The following L3MBTL4 variants were observed in gnomAD, a reference collection of about 807,000 sequenced individuals.
L3MBTL4 encodes lethal(3)malignant brain tumor-like protein 4.
In L3MBTL4, 70 loss-of-function variants were observed where a neutral mutation model predicts 84.5. That is an observed-to-expected ratio of 0.83 (90% CI 0.68 to 1.01). The LOEUF (loss-of-function observed/expected upper bound fraction) is 1.01. L3MBTL4 is among the 50% of genes least tolerant of loss of function. L3MBTL4 has a pLI of 0.00. For synonymous variants in L3MBTL4, 274 were observed against 259.8 expected (o/e 1.05, Z -0.52); for missense variants, 715 against 754.8 (o/e 0.95, Z 0.62).
At chr18:6,104,978 G>T (rs924467971) in intron 14 of L3MBTL4, among the ~76,000 whole-genome samples, 2 of 151,914 alleles carry the variant, frequency 1.3e-5, no homozygotes, top group African/African-American at 4.8e-5. Flanking sequence ...ATCTTAAAGG[G>T]AGCTCTTTAA....
chr18:5,988,179 T>G (rs2145106589), intron 16 of L3MBTL4, among the ~76,000 whole-genome samples: 1 of 152,318 alleles, frequency 6.6e-6, no homozygotes, highest in East Asian at 1.9e-4. Context: ...AAGGAGGTGG[T>G]TTTCCATTTA....
chr18:6,138,979 C>G (rs1028223422), intron 13 of L3MBTL4, among the ~76,000 whole-genome samples: 1 of 152,156 alleles, frequency 6.6e-6, no homozygotes, highest in African/African-American at 2.4e-5. Flanking sequence ...TCAACCACAG[C>G]AAGGATCTTA....
intron 13 of L3MBTL4, among the ~76,000 whole-genome samples, chr18:6,165,989 T>C (rs1360709784): frequency 6.6e-6 from 1 of 152,016 alleles, no homozygotes; most frequent in Admixed American, 6.6e-5. Context: ...GAGGAAGATC[T>C]ACCAAGCAAA....
intron 16 of L3MBTL4, among the ~76,000 whole-genome samples, chr18:6,050,140 TA>T (rs58411975): frequency 2.0e-5 from 3 of 152,118 alleles, no homozygotes; most frequent in Non-Finnish European, 4.4e-5. Context: ...AAACTTTTTT[TA>T]AAAAAATTAT....
intron 4 of L3MBTL4, among the ~76,000 whole-genome samples, chr18:6,296,250 G>GATA (rs1290811247): frequency 6.6e-6 from 1 of 152,134 alleles, no homozygotes; most frequent in African/African-American, 2.4e-5. Flanking sequence ...ACTACTCCCT[G>GATA]ATAATAAGTT....
At chr18:6,248,778 C>G (rs188436502) in intron 5 of L3MBTL4, among the ~76,000 whole-genome samples, 1 of 152,186 alleles carries the variant, frequency 6.6e-6, no homozygotes, top group African/African-American at 2.4e-5. Context: ...TACACGTACT[C>G]TTTTTCACAG....
intron 4 of L3MBTL4, among the ~76,000 whole-genome samples, chr18:6,289,590 A>G (rs541992474): frequency 1.3e-5 from 2 of 152,298 alleles, no homozygotes; most frequent in South Asian, 2.1e-4. Context: ...CTCAGAGGTT[A>G]ATCTTTGCTG....
intron 10 of L3MBTL4, among the ~76,000 whole-genome samples, chr18:6,223,887 G>A (rs989858236): frequency 3.9e-5 from 6 of 152,146 alleles, no homozygotes; most frequent in Non-Finnish European, 8.8e-5. Flanking sequence ...TGATTATACT[G>A]TGACAGGAGC....
chr18:6,061,128 C>T, intron 16 of L3MBTL4, among the ~76,000 whole-genome samples: 1 of 152,070 alleles, frequency 6.6e-6, no homozygotes, highest in Non-Finnish European at 1.5e-5. Flanking sequence ...ATTTTGCTTC[C>T]CTACCAGCAA....
At chr18:6,340,755 G>A (rs1463701928) in intron 1 of L3MBTL4, among the ~76,000 whole-genome samples, 3 of 151,952 alleles carry the variant, frequency 2.0e-5, no homozygotes, top group Non-Finnish European at 4.4e-5. Context: ...TCCCACAATG[G>A]CCTGTGCCCC....
At chr18:6,009,534 G>T (rs1425582425) in intron 16 of L3MBTL4, among the ~76,000 whole-genome samples, 1 of 152,128 alleles carries the variant, frequency 6.6e-6, no homozygotes, top group Non-Finnish European at 1.5e-5. Context: ...GGGGAAATTG[G>T]TTCCAGGACC....
intron 16 of L3MBTL4, chr18:6,030,591 C>T: frequency 1.3e-6 from 1 of 764,776 alleles, no homozygotes; most frequent in South Asian, 5.9e-5. Context: ...CTCCACCTCC[C>T]AGGTTCAAGC....
intron 16 of L3MBTL4, among the ~76,000 whole-genome samples, chr18:5,992,638 C>T (rs1016332215): frequency 6.6e-6 from 1 of 152,146 alleles, no homozygotes; most frequent in African/African-American, 2.4e-5. Context: ...TTGGGCCATC[C>T]CCTTGGTGAT....
In L3MBTL4 at chr18:6,071,741, G is replaced by GAAAA. The variant is rs1598638635; in HGVS notation, c.1444+9139_1444+9140insTTTT. ...GGAAAGAAAGAAGGAAAGAAAGAAG[G>GAAAA]AAGGAAAGAAAGAAAGAAAAAAAGA... On this transcript the variant is annotated intron_variant, in intron 16 of 18. Coordinates refer to ENST00000317931, the MANE Select transcript of L3MBTL4 (RefSeq NM_001330559.2). Among the ~76,000 whole-genome samples, 12 of 60,528 alleles carry GAAAA rather than the reference G, an allele frequency of 2.0e-4. No individual in the cohort carries two copies. In the East Asian group the frequency reaches 2.5e-3, roughly 12 times the overall value. The allele number at this position is 60,528 out of a possible 152,430, so 39.7% of individuals were successfully genotyped here.
At chr18:6,331,409 A>T (rs563182713) in intron 1 of L3MBTL4, among the ~76,000 whole-genome samples, 18 of 152,142 alleles carry the variant, frequency 1.2e-4, no homozygotes, top group Non-Finnish European at 2.5e-4. Context: ...AGAAAGCTCA[A>T]ATCAATTATA....
intron 11 of L3MBTL4, among the ~76,000 whole-genome samples, chr18:6,214,026 A>G (rs549382612): frequency 6.6e-6 from 1 of 152,382 alleles, no homozygotes; most frequent in Admixed American, 6.5e-5. Context: ...CTCAGAAAGG[A>G]GAAACACGAT....
At chr18:6,053,111 T>C (rs986475344) in intron 16 of L3MBTL4, among the ~76,000 whole-genome samples, 2 of 152,254 alleles carry the variant, frequency 1.3e-5, no homozygotes, top group African/African-American at 4.8e-5. Flanking sequence ...TTCCAGCTAG[T>C]GTTGGCTCTT....
intron 12 of L3MBTL4, among the ~76,000 whole-genome samples, chr18:6,191,452 T>A: frequency 6.6e-6 from 1 of 152,050 alleles, no homozygotes; most frequent in East Asian, 1.9e-4. Flanking sequence ...TTGCTTGAGA[T>A]GGAGGAGGTA....
chr18:6,129,368 C>CTCTCTGTGTGTG (rs1555663722), intron 14 of L3MBTL4, among the ~76,000 whole-genome samples: 3 of 138,224 alleles, frequency 2.2e-5, no homozygotes, highest in Non-Finnish European at 4.6e-5. Flanking sequence ...GGAATTCTCT[C>CTCTCTGTGTGTG]TGTGTGTGTG....
Sources: gnomAD v4.1 joint callset for allele counts (sites outside exome capture counted in the v4.1 genomes callset) on GRCh38, gnomAD v4.1.1 for gene constraint, MANE v1.5 for transcripts, NCBI Gene and HGNC (gene_info 2026-07-23, HGNC 2026-07-21) for gene names.